Variants in BCO1 observed in about 807,000 individuals in gnomAD.
The protein encoded by BCO1 is beta-carotene oxygenase 1, also known as beta,beta-carotene 15,15'-dioxygenase.
In BCO1, 54 loss-of-function variants were observed where a neutral mutation model predicts 56.3. The observed-to-expected ratio is 0.96, with a 90% confidence interval of 0.77 to 1.20. The LOEUF is 1.20. BCO1 is among the 50% of genes most tolerant of loss of function. BCO1 has a pLI of 0.00. For missense variants in BCO1, 801 were observed against 690.9 expected, an observed-to-expected ratio of 1.16 and a Z score of -1.79; for synonymous variants, 318 against 266.1, an observed-to-expected ratio of 1.20 and a Z score of -1.90.
intron 10 of BCO1, among the ~76,000 whole-genome samples, chr16:81,288,834 A>G (rs1051856770): frequency 5.3e-5 from 8 of 152,202 alleles, no homozygotes; most frequent in African/African-American, 1.9e-4. Flanking sequence ...AGGCTGCCCC[A>G]CTTGAGCCTG....
At chr16:81,255,958 A>G (rs1406384946) in intron 2 of BCO1, among the ~76,000 whole-genome samples, 2 of 150,260 alleles carry the variant, frequency 1.3e-5, no homozygotes, top group Admixed American at 6.7e-5. Context: ...CTGGGACCAC[A>G]GGTGCCCAGT....
rs368008947 is a variant in BCO1 at position 81,267,946 on chromosome 16, G to T, written c.658G>T (p.Glu220Ter). 3 of 1,613,972 alleles carry T rather than the reference G, an allele frequency of 1.9e-6. No individual in the cohort carries two copies. Among genetic ancestry groups the T allele is most frequent in the Non-Finnish European group, 2.5e-6 (3 of 1,180,020 alleles). The stretch of plus-strand genomic sequence containing the variant: ...GGGGAAGAGCCCCTGGAAGCACACA[G>T]AGGTGTTCTGCTCCATCCCATCCCG... ...KQGKSPWKHT[E>*]VFCSIPSRSL... is the part of the protein sequence containing the mutation. Residue 220 changes from glutamate (E) to a stop codon, truncating the protein, a stop_gained, in exon 6 of 11, where the codon GAG becomes TAG. Transcript: ENST00000258168. LOFTEE classifies it high-confidence loss of function.
intron 2 of BCO1, among the ~76,000 whole-genome samples, chr16:81,248,257 G>C (rs1905546492): frequency 6.6e-6 from 1 of 151,686 alleles, no homozygotes; most frequent in Non-Finnish European, 1.5e-5. Context: ...CAAAAAATTA[G>C]CTGAGCGTTG....
At chr16:81,253,028 G>A (rs573757716) in intron 2 of BCO1, among the ~76,000 whole-genome samples, 1 of 152,248 alleles carries the variant, frequency 6.6e-6, no homozygotes, top group Non-Finnish European at 1.5e-5. Flanking sequence ...AGAACTGCTT[G>A]AACCCAGGAG....
rs1256247702 is a variant in BCO1, at chr16:81,268,131, G to T, written c.843G>T (p.Lys281Asn). The T allele has an allele frequency of 2.5e-6, 4 of 1,606,498 alleles. No individual in the cohort carries two copies. In the African/African-American group the frequency reaches 4.0e-5, roughly 16 times the overall value. The part of the protein sequence containing the change: ...ASCLAFHREE[K>N]TYIHIIDQRT... ...GCCTGGCTTTCCACAGGGAGGAGAA[G>T]GTGAGGTCTGGCTGGACTCTAGCCC... The change falls in exon 6 of 11, where the codon AAG becomes AAT. Residue 281 changes from lysine (K) to asparagine (N), a missense_variant and splice_region_variant. Physicochemically the swap from Lys to Asn is moderately conservative, Grantham distance 94. Transcript: ENST00000258168.
intron 8 of BCO1, among the ~76,000 whole-genome samples, chr16:81,282,342 C>T (rs1342373653): frequency 6.6e-6 from 1 of 152,114 alleles, no homozygotes; most frequent in Non-Finnish European, 1.5e-5. Context: ...GATTGCGCCA[C>T]TGCACTCCAG....
chr16:81,268,504 A>T (rs1438809530), intron 6 of BCO1, among the ~76,000 whole-genome samples: 2 of 152,188 alleles, frequency 1.3e-5, no homozygotes, highest in Non-Finnish European at 2.9e-5. Context: ...CATGTCTGCT[A>T]CCAGTGTGTA....
chr16:81,280,192 G>A (rs1471704763), intron 7 of BCO1, among the ~76,000 whole-genome samples: 2 of 144,592 alleles, frequency 1.4e-5, no homozygotes, highest in Non-Finnish European at 3.0e-5. Flanking sequence ...GAACCTGGGA[G>A]GCAGAGGTTG....
chr16:81,259,606 A>G (rs1906356243), intron 2 of BCO1, 70 bp from the exon 3 acceptor site: 2 of 1,605,656 alleles, frequency 1.2e-6, no homozygotes, highest in Non-Finnish European at 1.7e-6. Context: ...AAACCCATAC[A>G]AGGACTGACA....
chr16:81,261,014 C>A (rs1400239637), intron 3 of BCO1, among the ~76,000 whole-genome samples: 1 of 152,198 alleles, frequency 6.6e-6, no homozygotes, highest in Non-Finnish European at 1.5e-5. Flanking sequence ...CTGAAGTCAT[C>A]TCTCCCATTC....
At position 81,262,350 on chromosome 16, in the gene BCO1, G is replaced by A. The variant is rs781501121; in HGVS notation, c.471+67G>A. On this transcript the variant is annotated intron_variant, in intron 4 of 10. Transcript: ENST00000258168. ...AAAGGGAGAGTCGGCGACGGCCGGG[G>A]TGAGGTTGCTCAGCCTGCAAGCAGC... 16 of 1,547,592 alleles carry A rather than the reference G, an allele frequency of 1.0e-5. No homozygotes were observed. The African/African-American group carries it at 1.9e-4, about 18-fold the overall frequency.
intron 10 of BCO1, among the ~76,000 whole-genome samples, chr16:81,289,942 G>A (rs1908371512): frequency 6.6e-6 from 1 of 152,134 alleles, no homozygotes; most frequent in African/African-American, 2.4e-5. Flanking sequence ...TCGGCTCACC[G>A]CAACCTCCAC....
intron 7 of BCO1, among the ~76,000 whole-genome samples, chr16:81,272,414 G>A (rs374921090): frequency 1.7e-4 from 26 of 152,070 alleles, no homozygotes; most frequent in African/African-American, 5.1e-4. Context: ...CACCGCGCCC[G>A]GCCCAGACTG....
At chr16:81,243,484 T>C (rs866658385) in intron 1 of BCO1, among the ~76,000 whole-genome samples, 1 of 104,248 alleles carries the variant, frequency 9.6e-6, no homozygotes, top group African/African-American at 3.9e-5. Context: ...TTCATTCATT[T>C]ATGAGACGGA....
At chr16:81,246,249 G>C (rs1053688280) in intron 2 of BCO1, among the ~76,000 whole-genome samples, 1 of 151,888 alleles carries the variant, frequency 6.6e-6, no homozygotes, top group African/African-American at 2.4e-5. Context: ...AAGGACCCTT[G>C]TGATTACATT....
At chr16:81,267,838 ATGG>A in intron 5 of BCO1, 67 bp from the exon 6 acceptor site, 1 of 1,305,186 alleles carries the variant, frequency 7.7e-7, no homozygotes. Flanking sequence ...TTTGTAGGTG[ATGG>A]TGGTGTGGTC....
intron 10 of BCO1, among the ~76,000 whole-genome samples, chr16:81,288,172 C>T (rs1434111046): frequency 4.6e-5 from 7 of 151,540 alleles, no homozygotes; most frequent in South Asian, 2.1e-4. Flanking sequence ...AGTTTTTTAC[C>T]GCACAAAGTC....
rs1490490364 is a variant in BCO1, at chr16:81,264,506, A to T, written c.472-134A>T. Reference sequence around the variant, plus strand: ...TCAACAGAGTGCAAAAATATCCCTCATCTCTCTGAACCTAGAATCAGTCAC... The same window carrying T: ...TCAACAGAGTGCAAAAATATCCCTCTTCTCTCTGAACCTAGAATCAGTCAC... On this transcript the variant is annotated intron_variant, in intron 4 of 10. Coordinates refer to ENST00000258168, the MANE Select transcript of BCO1 (RefSeq NM_017429.3). The T allele has an allele frequency of 3.6e-6, 4 of 1,097,524 alleles. No individual in the cohort carries two copies. The African/African-American group carries it at 6.2e-5, about 17-fold the overall frequency. 68.0% of individuals were successfully genotyped at this position (1,097,524 alleles called of 1,614,324 possible).
chr16:81,243,210 T>C (rs11639823), intron 1 of BCO1, among the ~76,000 whole-genome samples: 51,099 of 152,000 alleles, frequency 0.34, 8,745 homozygotes, highest in East Asian at 0.37. Context: ...GAACTGTACA[T>C]TTTAAAATGA....
Sources: gnomAD v4.1 joint callset for allele counts (sites outside exome capture counted in the v4.1 genomes callset) on GRCh38, gnomAD v4.1.1 for gene constraint, MANE v1.5 for transcripts, NCBI Gene and HGNC (gene_info 2026-07-23, HGNC 2026-07-21) for gene names.